Variants in ROBO1 observed in about 807,000 individuals in gnomAD.
ROBO1 encodes the protein roundabout guidance receptor 1.
A neutral mutation model predicts 195.9 loss-of-function variants in ROBO1; 149 were observed. That is an observed-to-expected ratio of 0.76 (90% confidence interval 0.67 to 0.87). The LOEUF (loss-of-function observed/expected upper bound fraction) is 0.87, where lower values mean the gene tolerates loss of function less well. Among genes scored for constraint, ROBO1 ranks in the 40% least tolerant of loss-of-function variants. The probability of loss-of-function intolerance (pLI) is 0.00; values close to 1 mark genes in which losing one functional copy is unlikely to be tolerated. For missense variants in ROBO1, 1,933 were observed against 2,068.3 expected, an observed-to-expected ratio of 0.93 and a Z score of 1.27; for synonymous variants, 816 against 733.2, an observed-to-expected ratio of 1.11 and a Z score of -1.82.
intron 7 of ROBO1, 79 bp downstream of exon 7, chr3:78,717,196 G>C: frequency 1.4e-6 from 2 of 1,419,758 alleles, no homozygotes; most frequent in Non-Finnish European, 1.9e-6. Flanking sequence ...TATTCTAATG[G>C]CCCGGATGTG....
chr3:79,145,372 T>TACAC (rs71127376), intron 2 of ROBO1, among the ~76,000 whole-genome samples: 8 of 72,964 alleles, frequency 1.1e-4, no homozygotes, highest in African/African-American at 1.3e-4. Context: ...CACACACACA[T>TACAC]ACACACACAC....
intron 4 of ROBO1, among the ~76,000 whole-genome samples, chr3:78,861,195 A>G (rs1215172841): frequency 6.6e-6 from 1 of 152,094 alleles, no homozygotes; most frequent in Non-Finnish European, 1.5e-5. Flanking sequence ...TCTATTCATC[A>G]CATCTCCATA....
rs551750703 is a variant in ROBO1, at chr3:79,270,640, C to T, written c.89-145101G>A. ...ACATCTGCCAATTGTTAAGTTCTTG[C>T]TATTTCTTTCATTCATTAATGTTTC... On this transcript the variant is annotated intron_variant, in intron 2 of 30. Coordinates refer to ENST00000464233, the MANE Select transcript of ROBO1 (RefSeq NM_002941.4). Among the ~76,000 whole-genome samples, 29 of 151,588 alleles carry T rather than the reference C, an allele frequency of 1.9e-4. No individual in the cohort carries two copies. The East Asian group carries it at 5.3e-3, about 27-fold the overall frequency.
chr3:79,216,470 T>C (rs894817306), intron 2 of ROBO1, among the ~76,000 whole-genome samples: 6 of 152,092 alleles, frequency 3.9e-5, no homozygotes, highest in African/African-American at 1.2e-4. Context: ...TAAAGTGAAG[T>C]TAAGCACATT....
In ROBO1 at chr3:79,084,273, C is replaced by A. The variant is rs374329637; in HGVS notation, c.172+41183G>T. ...CAGCACTTCGGGAGGCTGAGGTGGG[C>A]GGATCACCTGAGGTCAGGAGTTCGA... On this transcript the variant is annotated intron_variant, in intron 3 of 30. Coordinates refer to ENST00000464233, the MANE Select transcript of ROBO1 (RefSeq NM_002941.4). Among the ~76,000 whole-genome samples the A allele has an allele frequency of 2.1e-3, 316 of 152,086 alleles. 3 individuals carry two copies. Among genetic ancestry groups the A allele is most frequent in the African/African-American group, 7.2e-3 (299 of 41,484 alleles).
chr3:79,532,134 T>C (rs1941686119), intron 2 of ROBO1, among the ~76,000 whole-genome samples: 1 of 152,174 alleles, frequency 6.6e-6, no homozygotes, highest in African/African-American at 2.4e-5. Flanking sequence ...GTTTGAGTAA[T>C]GTAATTTGAC....
intron 8 of ROBO1, among the ~76,000 whole-genome samples, chr3:78,701,777 C>A (rs994861326): frequency 1.3e-5 from 2 of 152,168 alleles, no homozygotes; most frequent in Non-Finnish European, 2.9e-5. Flanking sequence ...CTCCTAATAA[C>A]ATCGACCACA....
In ROBO1 at chr3:79,528,119, T is replaced by C. The variant is rs545903246; in HGVS notation, c.88+61705A>G. On this transcript the variant is annotated intron_variant, in intron 2 of 30. Coordinates refer to ENST00000464233, the MANE Select transcript of ROBO1 (RefSeq NM_002941.4). The stretch of plus-strand genomic sequence containing the variant: ...CACCACATATGAATACACGTCCAAT[T>C]ACTTATATCTTAGAGCAGATTAATG... 1.2e-4 allele frequency among the ~76,000 whole-genome samples: 18 copies of C among 152,332 alleles called. No homozygotes were observed. In the East Asian group the frequency reaches 3.3e-3, roughly 28 times the overall value.
chr3:79,670,086 T>C (rs909626738), intron 1 of ROBO1, among the ~76,000 whole-genome samples: 3 of 151,836 alleles, frequency 2.0e-5, no homozygotes, highest in Non-Finnish European at 2.9e-5. Context: ...AAATTTTGGA[T>C]AGCAGTGGGA....
At chr3:78,853,349 T>C (rs577155244) in intron 4 of ROBO1, among the ~76,000 whole-genome samples, 98 of 151,248 alleles carry the variant, frequency 6.5e-4, no homozygotes, top group African/African-American at 2.3e-3. Flanking sequence ...AGAGAAAATA[T>C]GTAATTTTTG....
intron 10 of ROBO1, among the ~76,000 whole-genome samples, chr3:78,677,148 T>G (rs1180687686): frequency 6.6e-6 from 1 of 152,174 alleles, no homozygotes; most frequent in African/African-American, 2.4e-5. Flanking sequence ...CCACCAGGCC[T>G]GCCCTAAAAG....
intron 1 of ROBO1, among the ~76,000 whole-genome samples, chr3:79,692,936 G>A (rs1222611971): frequency 6.6e-6 from 1 of 151,744 alleles, no homozygotes; most frequent in Admixed American, 6.6e-5. Context: ...CACAAAGTCT[G>A]AAGTAATTTT....
At chr3:78,651,011 A>G (rs1216045859) in intron 19 of ROBO1, among the ~76,000 whole-genome samples, 2 of 152,158 alleles carry the variant, frequency 1.3e-5, no homozygotes, top group Non-Finnish European at 2.9e-5. Context: ...CAAAAATATC[A>G]GCAGTCTTCA....
chr3:79,181,207 G>A (rs1273007871), intron 2 of ROBO1, among the ~76,000 whole-genome samples: 2 of 151,920 alleles, frequency 1.3e-5, no homozygotes, highest in Non-Finnish European at 1.5e-5. Context: ...TTCTAGACTG[G>A]GCACTTTCAC....
intron 2 of ROBO1, among the ~76,000 whole-genome samples, chr3:79,189,285 G>A (rs936588032): frequency 1.3e-5 from 2 of 151,428 alleles, no homozygotes; most frequent in Non-Finnish European, 3.0e-5. Flanking sequence ...ATTAATAAGA[G>A]GAATTTATTA....
intron 4 of ROBO1, among the ~76,000 whole-genome samples, chr3:78,804,015 G>C (rs6770452): frequency 0.26 from 39,194 of 152,032 alleles, 5,250 homozygotes; most frequent in African/African-American, 0.27. Flanking sequence ...TTGTGCCATA[G>C]AGTGTGGTGT....
intron 2 of ROBO1, among the ~76,000 whole-genome samples, chr3:79,209,651 C>A (rs1270782821): frequency 6.6e-6 from 1 of 151,960 alleles, no homozygotes; most frequent in East Asian, 1.9e-4. Flanking sequence ...TTTACCACAT[C>A]CATGCCAACA....
chr3:78,849,835 C>CAT (rs139702732), intron 4 of ROBO1, among the ~76,000 whole-genome samples: 14,234 of 137,392 alleles, frequency 0.1, 952 homozygotes, highest in African/African-American at 0.18. Context: ...TCCCATTACA[C>CAT]ACACACACAC....
At chr3:79,684,339 T>A (rs1947037093) in intron 1 of ROBO1, among the ~76,000 whole-genome samples, 1 of 152,144 alleles carries the variant, frequency 6.6e-6, no homozygotes, top group Non-Finnish European at 1.5e-5. Flanking sequence ...CATATACACA[T>A]AAATAACTTT....
Sources: gnomAD v4.1 joint callset for allele counts (sites outside exome capture counted in the v4.1 genomes callset) on GRCh38, gnomAD v4.1.1 for gene constraint, MANE v1.5 for transcripts, NCBI Gene and HGNC (gene_info 2026-07-23, HGNC 2026-07-21) for gene names.